CIMIP2A: variants seen among roughly 807,000 people sequenced by gnomAD.
The protein encoded by CIMIP2A is family with sequence similarity 166 member A.
At chr9:137,248,823 G>T in the CIMIP2A span, among the ~76,000 whole-genome samples, 1 of 152,098 alleles carries the variant, frequency 6.6e-6, no homozygotes, top group Non-Finnish European at 1.5e-5. Context: ...AGCTGAGATC[G>T]CACCGCTGCA....
the CIMIP2A span, among the ~76,000 whole-genome samples, chr9:137,254,959 T>C: frequency 6.6e-6 from 1 of 152,158 alleles, no homozygotes; most frequent in Non-Finnish European, 1.5e-5. Flanking sequence ...TGCGCCTGTG[T>C]CCGGCCCCTG....
chr9:137,244,061 G>A, the CIMIP2A span: 3 of 1,176,636 alleles, frequency 2.5e-6, no homozygotes, highest in South Asian at 2.6e-5. Context: ...TGGGACCCTG[G>A]TAATGGTCAG....
chr9:137,243,856 G>A, the CIMIP2A span: 1 of 1,535,796 alleles, frequency 6.5e-7, no homozygotes, highest in Non-Finnish European at 9.0e-7. Flanking sequence ...TGGACACCCA[G>A]GCTTCAGAGA....
At chr9:137,246,452 G>A in the CIMIP2A span, among the ~76,000 whole-genome samples, 2 of 152,234 alleles carry the variant, frequency 1.3e-5, no homozygotes, top group African/African-American at 2.4e-5. Context: ...CAAGGAGTGA[G>A]AACTACCTTC....
At chr9:137,252,836 C>T in the CIMIP2A span, 2 of 1,571,816 alleles carry the variant, frequency 1.3e-6, no homozygotes, top group Non-Finnish European at 8.6e-7. Flanking sequence ...GGCCTCTTTG[C>T]AGGCACCTGG....
At chr9:137,251,352 C>A in the CIMIP2A span, 12 of 1,613,544 alleles carry the variant, frequency 7.4e-6, no homozygotes, top group Admixed American at 2.0e-4. Flanking sequence ...GAGGCAAACA[C>A]TGGACCCATG....
the CIMIP2A span, chr9:137,252,773 C>A: frequency 6.4e-7 from 1 of 1,561,898 alleles, no homozygotes; most frequent in Non-Finnish European, 8.7e-7. Flanking sequence ...CCACCTAGGG[C>A]TGCCTGGGGC....
the CIMIP2A span, chr9:137,252,454 G>A: frequency 1.2e-6 from 2 of 1,610,904 alleles, no homozygotes; most frequent in African/African-American, 2.7e-5. Flanking sequence ...TGGCCGCAGG[G>A]CATGGCAGAC....
At chr9:137,245,250 C>T in the CIMIP2A span, 12 of 1,576,850 alleles carry the variant, frequency 7.6e-6, no homozygotes, top group East Asian at 2.3e-4. Flanking sequence ...GGTCACGGTG[C>T]AGCTCCCACC....
the CIMIP2A span, chr9:137,244,324 C>T: frequency 3.1e-6 from 5 of 1,612,038 alleles, no homozygotes; most frequent in African/African-American, 1.3e-5. Flanking sequence ...AGCTCCCTCC[C>T]CGGCAGGCAA....
chr9:137,249,166 T>C, the CIMIP2A span, among the ~76,000 whole-genome samples: 1 of 151,966 alleles, frequency 6.6e-6, no homozygotes, highest in South Asian at 2.1e-4. Context: ...AATATGACCT[T>C]TTTAAGAAAA....
the CIMIP2A span, chr9:137,244,192 A>G: frequency 6.2e-7 from 1 of 1,613,854 alleles, no homozygotes; most frequent in Non-Finnish European, 8.5e-7. Flanking sequence ...CCCATGTAGA[A>G]GGGGATCAGG....
the CIMIP2A span, chr9:137,253,184 T>G: frequency 6.2e-6 from 10 of 1,606,508 alleles, no homozygotes; most frequent in Non-Finnish European, 7.7e-6. Flanking sequence ...GCGCCTGGCG[T>G]GGTCATCCAG....
At chr9:137,249,820 C>A in the CIMIP2A span, among the ~76,000 whole-genome samples, 1 of 152,312 alleles carries the variant, frequency 6.6e-6, no homozygotes, top group Non-Finnish European at 1.5e-5. Context: ...CAATCAATAC[C>A]CTTTACAATA....
chr9:137,251,693 G>A, the CIMIP2A span: 2 of 1,544,170 alleles, frequency 1.3e-6, no homozygotes, highest in African/African-American at 2.7e-5. Flanking sequence ...CATGTGGCTG[G>A]GAGCGGCCGG....
the CIMIP2A span, chr9:137,244,386 G>A: frequency 5.5e-5 from 88 of 1,586,214 alleles, no homozygotes; most frequent in Middle Eastern, 3.4e-4. Flanking sequence ...CCGGCACTCC[G>A]TGGGAAAGCT....
chr9:137,251,712 A>T, the CIMIP2A span: 1 of 1,552,696 alleles, frequency 6.4e-7, no homozygotes, highest in African/African-American at 1.4e-5. Context: ...GGGGGCTGAG[A>T]CAGTGGCTGC....
At chr9:137,252,410 TTCTC>T in the CIMIP2A span, 2 of 1,601,654 alleles carry the variant, frequency 1.2e-6, no homozygotes, top group South Asian at 1.1e-5. Flanking sequence ...GCTCCCAGCC[TTCTC>T]TCTCTCCATC....
At chr9:137,251,282 C>T in the CIMIP2A span, 8 of 1,596,892 alleles carry the variant, frequency 5.0e-6, no homozygotes, top group South Asian at 1.1e-5. Context: ...AGCCAGGAGA[C>T]TCTGATGATG....
Sources: gnomAD v4.1 joint callset for allele counts (sites outside exome capture counted in the v4.1 genomes callset) on GRCh38, gnomAD v4.1.1 for gene constraint, MANE v1.5 for transcripts, NCBI Gene and HGNC (gene_info 2026-07-23, HGNC 2026-07-21) for gene names.